The following ADRA1B variants were observed in gnomAD, a reference collection of about 807,000 sequenced individuals.
ADRA1B encodes alpha-1B adrenergic receptor.
Under a neutral mutation model 17.9 loss-of-function variants are expected in ADRA1B, and 17 were observed. The ratio of observed to expected loss-of-function variants is 0.95; its 90% CI spans 0.65 to 1.42. The LOEUF (loss-of-function observed/expected upper bound fraction) is 1.42, where lower values mean the gene tolerates loss of function less well. Ranked by LOEUF, ADRA1B falls within the 40% of genes most tolerant of loss-of-function variation. ADRA1B has a pLI of 0.00. For synonymous variants in ADRA1B, 366 were observed against 327.6 expected, an observed-to-expected ratio of 1.12 and a Z score of -1.27; for missense variants, 681 against 722.1, an observed-to-expected ratio of 0.94 and a Z score of 0.65.
chr5:159,912,532 C>A (rs894401322), upstream of ADRA1B, among the ~76,000 whole-genome samples: 3 of 152,208 alleles, frequency 2.0e-5, no homozygotes. Flanking sequence ...TACTAAGGAG[C>A]CTGGTCACAT....
At chr5:159,937,140 ACCTGAAGTTC>A (rs1226219230) in intron 1 of ADRA1B, among the ~76,000 whole-genome samples, 3 of 152,166 alleles carry the variant, frequency 2.0e-5, no homozygotes, top group African/African-American at 7.2e-5. Context: ...ATAAGAACAG[ACCTGAAGTTC>A]CCTGTATGTG....
At chr5:159,964,558 GATGA>G (rs1755738511) in intron 1 of ADRA1B, among the ~76,000 whole-genome samples, 1 of 152,230 alleles carries the variant, frequency 6.6e-6, no homozygotes, top group Admixed American at 6.5e-5. Flanking sequence ...GTGGCAGAAT[GATGA>G]ATGCTTAGCA....
At chr5:159,932,110 C>T (rs1283363315) in intron 1 of ADRA1B, among the ~76,000 whole-genome samples, 3 of 152,160 alleles carry the variant, frequency 2.0e-5, no homozygotes, top group African/African-American at 4.8e-5. Context: ...CTTATCATAT[C>T]GATGAAACTG....
the ADRA1B span, among the ~76,000 whole-genome samples, chr5:159,981,950 C>T: frequency 6.6e-6 from 1 of 152,132 alleles, no homozygotes; most frequent in East Asian, 1.9e-4. Context: ...AGCCTAATCA[C>T]CCATGCCTTG....
chr5:159,878,251 CA>C (rs1388291958), intron 1 of ADRA1B, among the ~76,000 whole-genome samples: 2 of 152,160 alleles, frequency 1.3e-5, no homozygotes, highest in African/African-American at 4.8e-5. Flanking sequence ...AGGTAAGGGT[CA>C]AGGACTAACA....
intron 1 of ADRA1B, among the ~76,000 whole-genome samples, chr5:159,892,021 G>A (rs751927079): frequency 1.3e-4 from 20 of 152,176 alleles, no homozygotes; most frequent in Admixed American, 7.2e-4. Context: ...GGCAGATCAC[G>A]AGGTCAGGAG....
chr5:159,982,398 C>G, the ADRA1B span, among the ~76,000 whole-genome samples: 1 of 152,110 alleles, frequency 6.6e-6, no homozygotes, highest in East Asian at 1.9e-4. Flanking sequence ...TTTTTCCCAT[C>G]CAATTTAGGT....
At chr5:159,963,993 A>G (rs1187015757) in intron 1 of ADRA1B, among the ~76,000 whole-genome samples, 1 of 152,146 alleles carries the variant, frequency 6.6e-6, no homozygotes, top group Admixed American at 6.5e-5. Flanking sequence ...CCACCCCGGA[A>G]AAAAAAGAAT....
chr5:159,923,375 G>A (rs975191723), intron 1 of ADRA1B, among the ~76,000 whole-genome samples: 1 of 152,270 alleles, frequency 6.6e-6, no homozygotes, highest in African/African-American at 2.4e-5. Flanking sequence ...CAGTGGCAGT[G>A]AGAGATGATG....
intron 1 of ADRA1B, among the ~76,000 whole-genome samples, chr5:159,931,807 C>T (rs1027979040): frequency 6.6e-6 from 1 of 152,190 alleles, no homozygotes; most frequent in African/African-American, 2.4e-5. Flanking sequence ...CAAACAGGCT[C>T]TCGAATGCCT....
downstream of ADRA1B, among the ~76,000 whole-genome samples, chr5:159,976,634 G>C (rs1423449749): frequency 6.9e-6 from 1 of 144,712 alleles, no homozygotes; most frequent in Non-Finnish European, 1.5e-5. Flanking sequence ...CCCAGAACGA[G>C]TTATCTCACT....
chr5:159,888,764 A>C (rs530973955), intron 1 of ADRA1B, among the ~76,000 whole-genome samples: 1 of 152,340 alleles, frequency 6.6e-6, no homozygotes, highest in South Asian at 2.1e-4. Flanking sequence ...GGGTGATGGA[A>C]CCACCAAGGA....
At chr5:159,888,291 G>C (rs1462662975) in intron 1 of ADRA1B, 1 of 152,084 alleles carries the variant, frequency 6.6e-6, no homozygotes, top group Non-Finnish European at 1.5e-5. Context: ...TTAGAGCTTG[G>C]GAGGACAGAG....
intron 1 of ADRA1B, chr5:159,888,079 G>T (rs1228690200): frequency 1.3e-5 from 2 of 152,182 alleles, no homozygotes; most frequent in Admixed American, 1.3e-4. Flanking sequence ...GTCAAGACTT[G>T]CCCAAGGTTG....
At chr5:159,870,628 A>T (rs1753726051) in intron 1 of ADRA1B, 1 of 152,226 alleles carries the variant, frequency 6.6e-6, no homozygotes, top group African/African-American at 2.4e-5. Context: ...AAGAAGTTAG[A>T]AATTCAGCAC....
At chr5:159,904,937 C>T (rs373218297) in intron 1 of ADRA1B, among the ~76,000 whole-genome samples, 6 of 152,308 alleles carry the variant, frequency 3.9e-5, no homozygotes, top group East Asian at 3.9e-4. Flanking sequence ...AAGAATTTGA[C>T]CAGCTCATTG....
intron 1 of ADRA1B, chr5:159,950,970 C>A: frequency 1.7e-6 from 1 of 605,582 alleles, no homozygotes; most frequent in Non-Finnish European, 3.1e-6. Flanking sequence ...ATGGCGTGGA[C>A]TGTATTCTGG....
At chr5:159,883,346 A>G (rs1347809967) in intron 1 of ADRA1B, among the ~76,000 whole-genome samples, 1 of 152,220 alleles carries the variant, frequency 6.6e-6, no homozygotes, top group East Asian at 1.9e-4. Context: ...TAGGAACTTC[A>G]GAGAGATTTC....
In ADRA1B at chr5:159,972,483, G is replaced by C; in HGVS notation, c.1554G>C (p.Gly518=). ...GFKSNMPLAP[G]QF ...AAAGCAACATGCCCCTGGCGCCCGG[G>C]CAGTTTTAGGGCCCCCGTGCGCAGC... The change falls in exon 2 of 2, where the codon GGG becomes GGC. Residue 518 remains glycine (G), a synonymous_variant. Coordinates refer to ENST00000306675, the MANE Select transcript of ADRA1B (RefSeq NM_000679.4). 2 of 1,309,112 alleles carry C rather than the reference G, an allele frequency of 1.5e-6. No individual in the cohort carries two copies. The highest frequency in any genetic ancestry group is 2.0e-6 in the Non-Finnish European group (2 of 1,008,026). 81.1% of individuals were successfully genotyped at this position (1,309,112 alleles called of 1,614,324 possible).
Sources: allele counts gnomAD v4.1 joint callset (sites outside exome capture counted in the v4.1 genomes callset), GRCh38; gene constraint gnomAD v4.1.1; transcripts MANE v1.5; gene names NCBI Gene and HGNC (gene_info 2026-07-23, HGNC 2026-07-21).